The following MACF1 variants were observed in gnomAD, a reference collection of about 807,000 sequenced individuals.
MACF1 encodes the protein microtubule-actin cross-linking factor 1.
A neutral mutation model predicts 854.8 loss-of-function variants in MACF1; 193 were observed. That is an observed-to-expected ratio of 0.23 (90% CI 0.20 to 0.25). The LOEUF is 0.25. MACF1 is among the 10% of genes least tolerant of loss of function. MACF1 has a pLI of 1.00. For synonymous variants in MACF1, 3,185 were observed against 3,226.7 expected, an observed-to-expected ratio of 0.99 and a Z score of 0.44; for missense variants, 7,722 against 8,929.1, an observed-to-expected ratio of 0.86 and a Z score of 5.45.
intron 3 of MACF1, chr1:39,250,352 A>G: frequency 3.0e-6 from 1 of 327,964 alleles, no homozygotes; most frequent in East Asian, 5.0e-5. Context: ...TCCTTTTTAT[A>G]TCTGCATGTT....
chr1:39,219,861 C>G lies in MACF1; in HGVS notation c.110-11321C>G, dbSNP rs148743268. On this transcript the variant is annotated intron_variant, in intron 1 of 100. Coordinates refer to ENST00000564288, the MANE Select transcript of MACF1 (RefSeq NM_001394062.1). ...TGCCGCCCGGGTCCAAGCAGTTTTC[C>G]TGCCTCAGCCTCCCGAGTAGCTGGG... is the stretch of plus-strand genomic sequence containing the variant. Among the ~76,000 whole-genome samples, 788 of 152,278 alleles carry G rather than the reference C, an allele frequency of 5.2e-3. 5 individuals carry two copies. Among genetic ancestry groups the G allele is most frequent in the African/African-American group, 0.018 (751 of 41,556 alleles).
intron 58 of MACF1, among the ~76,000 whole-genome samples, chr1:39,393,196 A>AAATATATAT (rs57576149): frequency 9.0e-5 from 6 of 66,566 alleles, no homozygotes; most frequent in African/African-American, 4.2e-4. Context: ...AAAAAAAAAA[A>AAATATATAT]ATATATATAT....
chr1:39,162,048 G>A (rs1192397303), intron 2 of MACF1, among the ~76,000 whole-genome samples: 1 of 151,744 alleles, frequency 6.6e-6, no homozygotes, highest in Non-Finnish European at 1.5e-5. Flanking sequence ...GGGTGACAGA[G>A]TACACCCTGT....
In MACF1 at chr1:39,460,863, T is replaced by G; in HGVS notation, c.21523+69T>G. The G allele has an allele frequency of 6.4e-7, 1 of 1,557,172 alleles. No individual in the cohort carries two copies. The highest frequency in any genetic ancestry group is 8.8e-7 in the Non-Finnish European group (1 of 1,131,860). On this transcript the variant is annotated intron_variant, in intron 92 of 100. Transcript: ENST00000564288. The surrounding 1 kb of genome is among the most constrained non-coding windows in gnomAD (Gnocchi z 4.1). ...CTTGCACTTTGTAGAAGCTGTGATA[T>G]TCTAGCTAAACAGTCTTTCTGAAGC... is the stretch of plus-strand genomic sequence containing the variant.
intron 2 of MACF1, among the ~76,000 whole-genome samples, chr1:39,108,049 ATT>A (rs11433977): frequency 2.1e-5 from 3 of 140,362 alleles, no homozygotes; most frequent in Admixed American, 7.1e-5. Context: ...CTTGGCAACC[ATT>A]TTTTTTTTTT....
At chr1:39,236,074 G>A (rs1644857324) in intron 2 of MACF1, among the ~76,000 whole-genome samples, 1 of 152,126 alleles carries the variant, frequency 6.6e-6, no homozygotes, top group Admixed American at 6.5e-5. Flanking sequence ...CCTTTACATG[G>A]ATTATTTCAT....
chr1:39,434,316 ATTC>A (rs1169551108), intron 68 of MACF1, 95 bp from the exon 69 acceptor site: 2 of 504,578 alleles, frequency 4.0e-6, no homozygotes, highest in South Asian at 5.1e-5. Flanking sequence ...TTAGTTATGT[ATTC>A]TTTTAGACTT....
chr1:39,182,896 C>T (rs986978815), intron 2 of MACF1, among the ~76,000 whole-genome samples: 1 of 152,144 alleles, frequency 6.6e-6, no homozygotes, highest in African/African-American at 2.4e-5. Context: ...ATAGAAAACT[C>T]GTACATAAAT....
At chr1:39,404,486 TAAC>T (rs1206666855) in intron 58 of MACF1, among the ~76,000 whole-genome samples, 2 of 151,084 alleles carry the variant, frequency 1.3e-5, no homozygotes, top group East Asian at 1.9e-4. Flanking sequence ...AAAAAAAAAT[TAAC>T]AACAACAACA....
Position 39,379,587 on chromosome 1 carries a change from G to A in MACF1, c.13518+143G>A, listed in dbSNP as rs970834011. 21 of 871,084 alleles carry A rather than the reference G, an allele frequency of 2.4e-5. 1 individual carries two copies. The highest frequency in any genetic ancestry group is 1.4e-4 in the Admixed American group (5 of 36,060). The allele number at this position is 871,084 out of a possible 1,614,324, so 54.0% of individuals were successfully genotyped here. On this transcript the variant is annotated intron_variant, in intron 54 of 100. Coordinates refer to ENST00000564288, the MANE Select transcript of MACF1 (RefSeq NM_001394062.1). ...GGGCAGTATGTTTGACATTCTAAAT[G>A]ATTAATATGCCTTAACTCTCCTAGA...
At chr1:39,424,897 G>C (rs995428457) in intron 61 of MACF1, among the ~76,000 whole-genome samples, 2 of 152,130 alleles carry the variant, frequency 1.3e-5, no homozygotes, top group Non-Finnish European at 2.9e-5. Context: ...ACATTTCCTA[G>C]GTAGCCTATG....
intron 89 of MACF1, among the ~76,000 whole-genome samples, chr1:39,455,505 G>A (rs1330784090): frequency 2.0e-5 from 3 of 152,162 alleles, no homozygotes; most frequent in East Asian, 1.9e-4. Context: ...ACAGCCAGCC[G>A]GAGAAACTGT....
At chr1:39,348,816 C>G (rs1189505697) in intron 41 of MACF1, among the ~76,000 whole-genome samples, 1 of 152,210 alleles carries the variant, frequency 6.6e-6, no homozygotes, top group African/African-American at 2.4e-5. Context: ...TATTCCCTCT[C>G]TCTCCTTGGG....
At chr1:39,375,494 G>A (rs1649645950) in intron 52 of MACF1, among the ~76,000 whole-genome samples, 1 of 152,068 alleles carries the variant, frequency 6.6e-6, no homozygotes, top group Admixed American at 6.5e-5. Context: ...GTAGAGACAG[G>A]GTTTCACTGT....
intron 2 of MACF1, among the ~76,000 whole-genome samples, chr1:39,097,842 G>A (rs1304291958): frequency 1.3e-5 from 2 of 152,164 alleles, no homozygotes; most frequent in Non-Finnish European, 2.9e-5. Flanking sequence ...GAGAGCATTG[G>A]CCACCACTCT....
At chr1:39,177,209 C>A (rs1458475089) in intron 2 of MACF1, among the ~76,000 whole-genome samples, 1 of 152,120 alleles carries the variant, frequency 6.6e-6, no homozygotes, top group East Asian at 1.9e-4. Context: ...AATCTTGGTT[C>A]GCCACAACCC....
intron 22 of MACF1, among the ~76,000 whole-genome samples, chr1:39,301,451 A>C (rs909570521): frequency 6.6e-6 from 1 of 150,480 alleles, no homozygotes; most frequent in African/African-American, 2.5e-5. Context: ...TTTGAGACGG[A>C]GTCTCGCTCT....
At chr1:39,192,632 C>G (rs901319284) in intron 2 of MACF1, among the ~76,000 whole-genome samples, 4 of 152,122 alleles carry the variant, frequency 2.6e-5, no homozygotes, top group African/African-American at 9.7e-5. Flanking sequence ...ACACAGTTTT[C>G]TTTGTTGTTT....
chr1:39,441,907 A>G (rs1378606740), intron 74 of MACF1, 45 bp from the exon 75 acceptor site: 1 of 1,433,634 alleles, frequency 7.0e-7, no homozygotes, highest in Non-Finnish European at 9.8e-7. Context: ...TTCTCTCCCA[A>G]ATTCTTCTGG....
Sources: allele counts gnomAD v4.1 joint callset (sites outside exome capture counted in the v4.1 genomes callset), GRCh38; gene constraint gnomAD v4.1.1; non-coding constraint Gnocchi (gnomAD v3.1); transcripts MANE v1.5; gene names NCBI Gene and HGNC (gene_info 2026-07-23, HGNC 2026-07-21).